UNC5C: variants seen among roughly 807,000 people sequenced by gnomAD.
The protein encoded by UNC5C is netrin receptor UNC5C.
A neutral mutation model predicts 99.8 loss-of-function variants in UNC5C; 47 were observed. That is an observed-to-expected ratio of 0.47 (90% CI 0.37 to 0.60). The LOEUF (loss-of-function observed/expected upper bound fraction) is 0.60. UNC5C is among the 20% of genes least tolerant of loss of function. UNC5C has a pLI of 0.00. For synonymous variants in UNC5C, 487 were observed against 452.2 expected, an observed-to-expected ratio of 1.08 and a Z score of -0.98; for missense variants, 1,062 against 1,165.9, an observed-to-expected ratio of 0.91 and a Z score of 1.30.
chr4:95,420,999 A>G (rs1008894147), intron 1 of UNC5C, among the ~76,000 whole-genome samples: 7 of 152,150 alleles, frequency 4.6e-5, no homozygotes, highest in African/African-American at 1.4e-4. Flanking sequence ...CCTGTTCTCT[A>G]AGAATCCTAT....
rs370645026 is a variant in UNC5C, at chr4:95,472,978, A to T, written c.124+75756T>A. On this transcript the variant is annotated intron_variant, in intron 1 of 15. Transcript: ENST00000453304. ...GTAGCAAATTTTTATCATATCCCTT[A>T]TGCTCCACTGAAATAAAAAGATCAC... 1.3e-3 allele frequency among the ~76,000 whole-genome samples: 196 copies of T among 152,122 alleles called. 1 individual carries two copies. Among genetic ancestry groups the T allele is most frequent in the African/African-American group, 4.6e-3 (190 of 41,540 alleles).
chr4:95,175,431 C>T (rs1736298775), intron 14 of UNC5C, among the ~76,000 whole-genome samples: 1 of 151,480 alleles, frequency 6.6e-6, no homozygotes, highest in Admixed American at 6.6e-5. Context: ...TCTTTTAGGG[C>T]AGGCCTGGTG....
intron 12 of UNC5C, among the ~76,000 whole-genome samples, chr4:95,199,656 G>C (rs1180145669): frequency 6.6e-6 from 1 of 152,146 alleles, no homozygotes; most frequent in African/African-American, 2.4e-5. Context: ...ATGTATTTGT[G>C]TGTGTTTATT....
At chr4:95,545,710 A>G (rs1156554305) in intron 1 of UNC5C, among the ~76,000 whole-genome samples, 1 of 151,726 alleles carries the variant, frequency 6.6e-6, no homozygotes, top group Non-Finnish European at 1.5e-5. Context: ...GATAAAATGC[A>G]TTTATAAACC....
chr4:95,297,412 G>C (rs1054811040), intron 3 of UNC5C, among the ~76,000 whole-genome samples: 1 of 152,112 alleles, frequency 6.6e-6, no homozygotes, highest in Non-Finnish European at 1.5e-5. Context: ...ACTTCACTGG[G>C]AATTCTTTAT....
intron 1 of UNC5C, among the ~76,000 whole-genome samples, chr4:95,421,860 A>AT (rs1185585079): frequency 6.6e-6 from 1 of 152,032 alleles, no homozygotes; most frequent in Non-Finnish European, 1.5e-5. Context: ...TTACTGACAT[A>AT]TTTTTTCCTC....
At chr4:95,406,158 G>A (rs1050905761) in intron 1 of UNC5C, among the ~76,000 whole-genome samples, 2 of 152,148 alleles carry the variant, frequency 1.3e-5, no homozygotes, top group South Asian at 4.1e-4. Flanking sequence ...TTTATGCTAG[G>A]TAAAGGTATG....
chr4:95,245,476 C>T (rs889343711), intron 5 of UNC5C, among the ~76,000 whole-genome samples: 3 of 152,070 alleles, frequency 2.0e-5, no homozygotes, highest in Non-Finnish European at 4.4e-5. Context: ...TTTGACAGCT[C>T]GTCTCAAATA....
intron 1 of UNC5C, among the ~76,000 whole-genome samples, chr4:95,522,567 A>T (rs1237009248): frequency 6.6e-6 from 1 of 152,164 alleles, no homozygotes; most frequent in Non-Finnish European, 1.5e-5. Flanking sequence ...CACACAAAAA[A>T]AAGCTTAAAA....
At chr4:95,186,325 C>G (rs1736827889) in intron 12 of UNC5C, among the ~76,000 whole-genome samples, 1 of 152,158 alleles carries the variant, frequency 6.6e-6, no homozygotes, top group African/African-American at 2.4e-5. Context: ...TTCATTCAGA[C>G]TGTAACATGC....
intron 7 of UNC5C, among the ~76,000 whole-genome samples, chr4:95,239,635 A>G (rs1284991635): frequency 2.0e-5 from 3 of 151,972 alleles, no homozygotes; most frequent in Non-Finnish European, 4.4e-5. Context: ...GGATTTCTCT[A>G]ATTTCTTTCT....
intron 1 of UNC5C, among the ~76,000 whole-genome samples, chr4:95,528,507 G>A (rs1448365013): frequency 5.3e-5 from 8 of 152,126 alleles, no homozygotes; most frequent in Non-Finnish European, 8.8e-5. Context: ...TTTAAAAGAC[G>A]TAAAACTGTA....
intron 2 of UNC5C, 22 bp from the exon 3 acceptor site, chr4:95,301,771 T>C (rs1244738512): frequency 1.2e-6 from 2 of 1,609,460 alleles, no homozygotes; most frequent in African/African-American, 2.7e-5. Flanking sequence ...AAAAGAAAGA[T>C]TTAAGTCAAC....
intron 9 of UNC5C, among the ~76,000 whole-genome samples, chr4:95,218,426 T>A (rs747740332): frequency 6.6e-6 from 1 of 152,198 alleles, no homozygotes; most frequent in Non-Finnish European, 1.5e-5. Flanking sequence ...TGATTCTGGA[T>A]ACAAATATCA....
At chr4:95,265,375 G>T (rs1267574385) in intron 4 of UNC5C, among the ~76,000 whole-genome samples, 1 of 151,998 alleles carries the variant, frequency 6.6e-6, no homozygotes, top group African/African-American at 2.4e-5. Flanking sequence ...CCTCACATTG[G>T]CCTTCTCTCT....
chr4:95,342,409 G>C (rs564510460), intron 1 of UNC5C, among the ~76,000 whole-genome samples: 27 of 152,176 alleles, frequency 1.8e-4, no homozygotes, highest in African/African-American at 6.0e-4. Context: ...GCCGCTTTGG[G>C]CCAGAAGCAA....
chr4:95,358,994 T>C (rs11943290), intron 1 of UNC5C, among the ~76,000 whole-genome samples: 53,496 of 152,080 alleles, frequency 0.35, 10,788 homozygotes, highest in African/African-American at 0.54. Context: ...CAGTTAAAGT[T>C]TTAAGATTTC....
At chr4:95,526,176 G>A (rs932164892) in intron 1 of UNC5C, among the ~76,000 whole-genome samples, 20 of 152,084 alleles carry the variant, frequency 1.3e-4, no homozygotes, top group African/African-American at 4.3e-4. Flanking sequence ...GATTAAGAAG[G>A]TATTACATGA....
intron 7 of UNC5C, 66 bp downstream of exon 7, chr4:95,242,363 T>TA: frequency 6.3e-7 from 1 of 1,586,772 alleles, no homozygotes; most frequent in Non-Finnish European, 8.6e-7. Flanking sequence ...AATGTTTCCT[T>TA]AAAAAACTCC....
Sources: allele counts gnomAD v4.1 joint callset (sites outside exome capture counted in the v4.1 genomes callset), GRCh38; gene constraint gnomAD v4.1.1; transcripts MANE v1.5; gene names NCBI Gene and HGNC (gene_info 2026-07-23, HGNC 2026-07-21).